The following GRID2IP variants were observed in gnomAD, a reference collection of about 807,000 sequenced individuals.
The protein encoded by GRID2IP is Grid2 interacting protein.
In GRID2IP, 78 loss-of-function variants were observed where a neutral mutation model predicts 114.3. The observed-to-expected ratio is 0.68, with a 90% CI of 0.57 to 0.82. The LOEUF (loss-of-function observed/expected upper bound fraction) is 0.82. GRID2IP is among the 40% of genes least tolerant of loss of function. The pLI is 0.00. For missense variants in GRID2IP, 1,727 were observed against 1,678.5 expected (o/e 1.03, Z -0.51); for synonymous variants, 809 against 724.0 (o/e 1.12, Z -1.89).
rs1256719064 is a variant in GRID2IP, at chr7:6,496,981, CTCA to C, written c.*790_*792del. On this transcript the variant is annotated 3_prime_UTR_variant, in exon 22 of 22. Coordinates refer to ENST00000457091, the MANE Select transcript of GRID2IP (RefSeq NM_001145118.2). ...CATCTGCCCCCACACCTGCCCCGGT[CTCA>C]TGACTTGCTCCAGGGAACATCACCA... Among the ~76,000 whole-genome samples the C allele has an allele frequency of 6.6e-6, 1 of 152,176 alleles. No individual in the cohort carries two copies. Among genetic ancestry groups the C allele is most frequent in the Admixed American group, 6.5e-5 (1 of 15,270 alleles).
Position 6,503,500 on chromosome 7 carries a change from G to C in GRID2IP, c.2898C>G (p.Phe966Leu). The C allele has an allele frequency of 6.6e-7, 1 of 1,524,600 alleles. No homozygotes were observed. The highest frequency in any genetic ancestry group is 1.4e-5 in the African/African-American group (1 of 71,408). 94.4% of individuals were successfully genotyped at this position (1,524,600 alleles called of 1,614,324 possible). A position where few individuals can be genotyped will look rare whatever the true frequency, so the allele number is the denominator to read the frequency against. ...GTTGTGGTCGCGGCACCTGCAGGAC[G>C]AACTGGTCCGGCTCGCTGAGGCGGC... ...APGRLSEPDQ[F>L]VLQMLSVPEY... Residue 966 changes from phenylalanine (F) to leucine (L), a missense_variant, in exon 16 of 22, where the codon TTC becomes TTG. Coordinates refer to ENST00000457091, the MANE Select transcript of GRID2IP (RefSeq NM_001145118.2).
Position 6,534,225 on chromosome 7 carries a change from G to A in GRID2IP, c.584+5493C>T, listed in dbSNP as rs1051807691. The stretch of plus-strand genomic sequence containing the variant: ...ACCTGTATTCAAGCCGGGTCTGTCC[G>A]GATTCCGAATCCCAGCTTCTACCAT... On this transcript the variant is annotated intron_variant, in intron 2 of 21. Coordinates refer to ENST00000457091, the MANE Select transcript of GRID2IP (RefSeq NM_001145118.2). This position sits in a 1 kb window ranked among gnomAD's most constrained non-coding sequence, Gnocchi z 4.5. Among the ~76,000 whole-genome samples, 4 of 152,066 alleles carry A rather than the reference G, an allele frequency of 2.6e-5. No homozygotes were observed. The highest frequency in any genetic ancestry group is 5.9e-5 in the Non-Finnish European group (4 of 68,022).
Position 6,509,395 on chromosome 7 carries a change from CAGA to C in GRID2IP, c.1772-85_1772-83del. 7.9e-7 allele frequency: 1 copy of C among 1,259,470 alleles called. No homozygotes were observed. Among genetic ancestry groups the C allele is most frequent in the Admixed American group, 3.2e-5 (1 of 30,942 alleles). The allele number at this position is 1,259,470 out of a possible 1,614,324, so 78.0% of individuals were successfully genotyped here. A position where few individuals can be genotyped will look rare whatever the true frequency, so the allele number is the denominator to read the frequency against. ...GCAAGCTGGAGAGAGGGTCCTAGGACAGACTGGCTCTGTGTCCCAGGCCACTCT... is the reference window on the plus strand; with the variant it reads ...GCAAGCTGGAGAGAGGGTCCTAGGACCTGGCTCTGTGTCCCAGGCCACTCT... On this transcript the variant is annotated intron_variant, in intron 11 of 21. Transcript: ENST00000457091. The surrounding 1 kb of genome is among the most constrained non-coding windows in gnomAD (Gnocchi z 4.9).
At chr7:6,550,657 CA>C (rs71008400) in intron 1 of GRID2IP, among the ~76,000 whole-genome samples, 44,349 of 97,054 alleles carry the variant, frequency 0.46, 8,492 homozygotes, top group South Asian at 0.53. Flanking sequence ...CTAAAAATAC[CA>C]AAAAAAAAAA....
rs149102254 is a variant in GRID2IP at position 6,549,706 on chromosome 7, C to G, written c.429+1302G>C. ...CATGATCTCAGCTCACTGCAACCTC[C>G]GTCTCCCAAGCTCAAGTAATCCTCC... On this transcript the variant is annotated intron_variant, in intron 1 of 21. Transcript: ENST00000457091. Among the ~76,000 whole-genome samples, 827 of 152,176 alleles carry G rather than the reference C, an allele frequency of 5.4e-3. 5 individuals carry two copies. The highest frequency in any genetic ancestry group is 0.019 in the African/African-American group (774 of 41,522).
chr7:6,522,170 C>T (rs1415043879), intron 4 of GRID2IP, among the ~76,000 whole-genome samples: 1 of 151,996 alleles, frequency 6.6e-6, no homozygotes, highest in Non-Finnish European at 1.5e-5. Context: ...GGCAACATAG[C>T]GAGACCCCAT....
At position 6,521,306 on chromosome 7, in the gene GRID2IP, C is replaced by T. The variant is rs1779406161; in HGVS notation, c.1084+123G>A. 1 of 662,416 alleles carries T rather than the reference C, an allele frequency of 1.5e-6. No homozygotes were observed. Among genetic ancestry groups the T allele is most frequent in the Non-Finnish European group, 2.6e-6 (1 of 391,712 alleles). 41.0% of individuals were successfully genotyped at this position (662,416 alleles called of 1,614,324 possible). Reference sequence around the variant, plus strand: ...TCTATAGCACCACTTAGGAGGCAGCCCCGGGGAGGCAAGCTGCAGGTTTAG... The same window carrying T: ...TCTATAGCACCACTTAGGAGGCAGCTCCGGGGAGGCAAGCTGCAGGTTTAG... On this transcript the variant is annotated intron_variant, in intron 6 of 21. Transcript: ENST00000457091. This position sits in a 1 kb window ranked among gnomAD's most constrained non-coding sequence, Gnocchi z 4.1.
At position 6,536,642 on chromosome 7, in the gene GRID2IP, G is replaced by A. The variant is rs1779728667; in HGVS notation, c.584+3076C>T. 6.6e-6 allele frequency among the ~76,000 whole-genome samples: 1 copy of A among 152,094 alleles called. No homozygotes were observed. Among genetic ancestry groups the A allele is most frequent in the African/African-American group, 2.4e-5 (1 of 41,444 alleles). On this transcript the variant is annotated intron_variant, in intron 2 of 21. Coordinates refer to ENST00000457091, the MANE Select transcript of GRID2IP (RefSeq NM_001145118.2). This position sits in a 1 kb window ranked among gnomAD's most constrained non-coding sequence, Gnocchi z 5.3. ...GAGCCAACTTCCTGGGGGACAGCTG[G>A]GCCGCCTGCGCCCCGCTGGCCCATC... is the stretch of plus-strand genomic sequence containing the variant.
intron 4 of GRID2IP, among the ~76,000 whole-genome samples, chr7:6,524,772 A>G (rs1779477163): frequency 6.6e-6 from 1 of 151,420 alleles, no homozygotes; most frequent in Non-Finnish European, 1.5e-5. Flanking sequence ...GCTGGAGTGC[A>G]ATGGCATGAT....
At chr7:6,548,714 C>G (rs961119350) in intron 1 of GRID2IP, among the ~76,000 whole-genome samples, 4 of 151,456 alleles carry the variant, frequency 2.6e-5, no homozygotes, top group Admixed American at 2.6e-4. Context: ...TGGTGGGGTA[C>G]GCCTGTAATC....
Position 6,516,660 on chromosome 7 carries a change from G to C in GRID2IP, c.1269-2131C>G, listed in dbSNP as rs1041470817. On this transcript the variant is annotated intron_variant, in intron 7 of 21. Coordinates refer to ENST00000457091, the MANE Select transcript of GRID2IP (RefSeq NM_001145118.2). This position sits in a 1 kb window ranked among gnomAD's most constrained non-coding sequence, Gnocchi z 4.3. ...CGCAGCCACCCAGAGGCCTAACGCT[G>C]TCCCTGTGATGCTGTGCTTCAGTGG... is the stretch of plus-strand genomic sequence containing the variant. Among the ~76,000 whole-genome samples the C allele has an allele frequency of 6.6e-6, 1 of 152,206 alleles. No homozygotes were observed. Among genetic ancestry groups the C allele is most frequent in the African/African-American group, 2.4e-5 (1 of 41,452 alleles).
At chr7:6,502,943 TCCA>T (rs1330632520) in intron 17 of GRID2IP, 62 bp downstream of exon 17, 1 of 1,546,152 alleles carries the variant, frequency 6.5e-7, no homozygotes. Flanking sequence ...TGGATGGGCC[TCCA>T]GGCTGGAAGC....
intron 7 of GRID2IP, among the ~76,000 whole-genome samples, chr7:6,515,298 C>A (rs772474451): frequency 1.4e-4 from 21 of 151,774 alleles, no homozygotes; most frequent in Non-Finnish European, 5.9e-5. Flanking sequence ...CCCCTCTCTA[C>A]TAAAAATACA....
At position 6,520,363 on chromosome 7, in the gene GRID2IP, A is replaced by G. The variant is rs1330044793; in HGVS notation, c.1268+215T>C. ...CACAGAGAAGGCTGAGACTCGCCCA[A>G]GGTCACGTGACTAGGAGGTGTCAGA... On this transcript the variant is annotated intron_variant, in intron 7 of 21. Coordinates refer to ENST00000457091, the MANE Select transcript of GRID2IP (RefSeq NM_001145118.2). This position sits in a 1 kb window ranked among gnomAD's most constrained non-coding sequence, Gnocchi z 4.6. Among the ~76,000 whole-genome samples, 9 of 152,088 alleles carry G rather than the reference A, an allele frequency of 5.9e-5. No homozygotes were observed. The highest frequency in any genetic ancestry group is 1.9e-4 in the East Asian group (1 of 5,196).
At chr7:6,499,795 T>C (rs1786362767) in intron 20 of GRID2IP, among the ~76,000 whole-genome samples, 2 of 151,876 alleles carry the variant, frequency 1.3e-5, no homozygotes, top group South Asian at 4.2e-4. Flanking sequence ...AGTGGTGTGA[T>C]CATACCTCAC....
intron 7 of GRID2IP, among the ~76,000 whole-genome samples, chr7:6,515,377 G>A (rs1403295466): frequency 1.3e-5 from 2 of 151,920 alleles, no homozygotes; most frequent in Non-Finnish European, 1.5e-5. Flanking sequence ...TAGGAGAATC[G>A]CTTAGACTGG....
Position 6,551,186 on chromosome 7 carries a change from G to A in GRID2IP, c.251C>T (p.Ala84Val), listed in dbSNP as rs1486539279. 6 of 1,394,750 alleles carry A rather than the reference G, an allele frequency of 4.3e-6. No individual in the cohort carries two copies. Among genetic ancestry groups the A allele is most frequent in the Non-Finnish European group, 4.6e-6 (5 of 1,084,016 alleles). The allele number at this position is 1,394,750 out of a possible 1,614,324, so 86.4% of individuals were successfully genotyped here. A position where few individuals can be genotyped will look rare whatever the true frequency, so the allele number is the denominator to read the frequency against. ...RVPPSLGVLP[A>V]PDGGPGPGSG... ...TCCTGGGCCGGGGCCACCGTCGGGAGCCGGGAGCACGCCCAGACTGGGCGG... is the reference window on the plus strand; with the variant it reads ...TCCTGGGCCGGGGCCACCGTCGGGAACCGGGAGCACGCCCAGACTGGGCGG... The change falls in exon 1 of 22, where the codon GCT becomes GTT. Residue 84 changes from alanine (A) to valine (V), a missense_variant. By Grantham distance (64) the Ala-to-Val change is moderately conservative. Transcript: ENST00000457091.
Position 6,534,957 on chromosome 7 carries a change from C to T in GRID2IP, c.584+4761G>A, listed in dbSNP as rs1779699164. ...CTGGAGTGCAATGGCACGATCTCGGCTCACTGCAATCTCCGCCTCCCAGGT... is the reference window on the plus strand; with the variant it reads ...CTGGAGTGCAATGGCACGATCTCGGTTCACTGCAATCTCCGCCTCCCAGGT... On this transcript the variant is annotated intron_variant, in intron 2 of 21. Transcript: ENST00000457091. This position sits in a 1 kb window ranked among gnomAD's most constrained non-coding sequence, Gnocchi z 4.5. 6.6e-6 allele frequency among the ~76,000 whole-genome samples: 1 copy of T among 152,232 alleles called. No individual in the cohort carries two copies. Among genetic ancestry groups the T allele is most frequent in the African/African-American group, 2.4e-5 (1 of 41,470 alleles).
chr7:6,526,878 T>C lies in GRID2IP; in HGVS notation c.585-109A>G. ...GCGCCGCCCTAGGCTCTCCCACCTC[T>C]TCCTAGGAGTGGCGGAGGGCTGGGG... On this transcript the variant is annotated intron_variant, in intron 2 of 21. Coordinates refer to ENST00000457091, the MANE Select transcript of GRID2IP (RefSeq NM_001145118.2). The surrounding 1 kb of genome is among the most constrained non-coding windows in gnomAD (Gnocchi z 7.6). 8.3e-7 allele frequency: 1 copy of C among 1,204,232 alleles called. No individual in the cohort carries two copies. The highest frequency in any genetic ancestry group is 1.1e-6 in the Non-Finnish European group (1 of 926,962). 74.6% of individuals were successfully genotyped at this position (1,204,232 alleles called of 1,614,324 possible).
Sources: allele counts gnomAD v4.1 joint callset (sites outside exome capture counted in the v4.1 genomes callset), GRCh38; gene constraint gnomAD v4.1.1; non-coding constraint Gnocchi (gnomAD v3.1); transcripts MANE v1.5; gene names NCBI Gene and HGNC (gene_info 2026-07-23, HGNC 2026-07-21).